Variants in CPS1 observed in about 807,000 individuals in gnomAD.
CPS1 encodes the protein carbamoyl-phosphate synthase 1, also known as carbamoyl-phosphate synthase [ammonia], mitochondrial.
Under a neutral mutation model 174.6 loss-of-function variants are expected in CPS1, and 109 were observed. The ratio of observed to expected loss-of-function variants is 0.62; its 90% CI spans 0.53 to 0.73. The LOEUF (loss-of-function observed/expected upper bound fraction) is 0.73. CPS1 is among the 30% of genes least tolerant of loss of function. The probability of loss-of-function intolerance (pLI) is 0.00; values close to 1 mark genes in which losing one functional copy is unlikely to be tolerated. For missense variants in CPS1, 1,689 were observed against 1,821.9 expected (o/e 0.93, Z 1.33); for synonymous variants, 637 against 632.0 (o/e 1.01, Z -0.12).
intron 1 of CPS1, among the ~76,000 whole-genome samples, chr2:210,488,481 C>A (rs774017685): frequency 4.6e-5 from 7 of 152,190 alleles, no homozygotes; most frequent in Non-Finnish European, 7.3e-5. Context: ...GACCACATTT[C>A]TTTTCCAGGT....
intron 1 of CPS1, among the ~76,000 whole-genome samples, chr2:210,546,554 G>A (rs1284642265): frequency 3.9e-5 from 6 of 152,042 alleles, no homozygotes; most frequent in Non-Finnish European, 8.8e-5. Context: ...GGCTTTGAAG[G>A]ATTGATAGGA....
intron 34 of CPS1, among the ~76,000 whole-genome samples, chr2:210,670,780 C>T (rs780650003): frequency 6.6e-6 from 1 of 152,118 alleles, no homozygotes; most frequent in Non-Finnish European, 1.5e-5. Context: ...CACCCTACTC[C>T]TTTACACATA....
At chr2:210,527,734 G>C (rs904405106) in intron 1 of CPS1, among the ~76,000 whole-genome samples, 1 of 151,754 alleles carries the variant, frequency 6.6e-6, no homozygotes, top group African/African-American at 2.4e-5. Context: ...TACCCATGAA[G>C]TATCGTGGTA....
At chr2:210,529,834 C>G (rs552164624) in intron 1 of CPS1, among the ~76,000 whole-genome samples, 1 of 152,048 alleles carries the variant, frequency 6.6e-6, no homozygotes, top group Non-Finnish European at 1.5e-5. Flanking sequence ...TTTTATTGCC[C>G]ATTCATTGCT....
intron 1 of CPS1, among the ~76,000 whole-genome samples, chr2:210,487,039 A>G (rs1694750201): frequency 6.6e-6 from 1 of 150,722 alleles, no homozygotes. Context: ...CTGTAAATGA[A>G]TTGTGCTGTC....
rs544394549 is a variant in CPS1, at chr2:210,520,374, G to A, written c.4-36345G>A. Among the ~76,000 whole-genome samples the A allele has an allele frequency of 2.0e-5, 3 of 152,036 alleles. No individual in the cohort carries two copies. The East Asian group carries it at 5.8e-4, about 30-fold the overall frequency. On this transcript the variant is annotated intron_variant, in intron 1 of 38. Transcript: ENST00000430249. ...AGGTTTGTTACATAGGTATATATGT[G>A]CCATGGTGGTTTGCTGCACCTATCA...
At chr2:210,554,107 A>G (rs1387769567), upstream of CPS1, among the ~76,000 whole-genome samples, 3 of 139,328 alleles carry the variant, frequency 2.2e-5, no homozygotes, top group Admixed American at 1.4e-4. Context: ...GTATATACAC[A>G]TATATATATG....
chr2:210,510,589 G>T (rs1695436977), intron 1 of CPS1, among the ~76,000 whole-genome samples: 1 of 152,128 alleles, frequency 6.6e-6, no homozygotes, highest in African/African-American at 2.4e-5. Context: ...TCATCAGAGT[G>T]AATAGGCAAC....
At chr2:210,581,969 A>G (rs181280947) in intron 5 of CPS1, among the ~76,000 whole-genome samples, 139 of 152,320 alleles carry the variant, frequency 9.1e-4, no homozygotes, top group South Asian at 3.3e-3. Context: ...CAAATAAGTA[A>G]ATCTCAAGAT....
chr2:210,589,115 G>T (rs575840654), intron 7 of CPS1, among the ~76,000 whole-genome samples: 7 of 152,142 alleles, frequency 4.6e-5, no homozygotes, highest in African/African-American at 1.7e-4. Flanking sequence ...TTGTCCCATG[G>T]ATAGGCAGTC....
At chr2:210,618,755 A>G (rs946309002) in intron 21 of CPS1, 1 of 151,996 alleles carries the variant, frequency 6.6e-6, no homozygotes, top group African/African-American at 2.4e-5. Context: ...TATACTCACC[A>G]TTAGTCTGGG....
chr2:210,634,043 C>T (rs1699951662), intron 21 of CPS1, among the ~76,000 whole-genome samples: 1 of 152,180 alleles, frequency 6.6e-6, no homozygotes. Context: ...TGAGTGCATA[C>T]TTGCACATAA....
chr2:210,533,550 G>T lies in CPS1; in HGVS notation c.4-23169G>T, dbSNP rs145275962. Among the ~76,000 whole-genome samples the T allele has an allele frequency of 2.4e-3, 359 of 152,206 alleles. 2 individuals carry two copies. Among genetic ancestry groups the T allele is most frequent in the African/African-American group, 8.2e-3 (342 of 41,550 alleles). Reference sequence around the variant, plus strand: ...ATATGAACCAGGAAGTCAGGCTCTCGAGTCTGTGTTCTCCGGTACAAGCTT... The same window carrying T: ...ATATGAACCAGGAAGTCAGGCTCTCTAGTCTGTGTTCTCCGGTACAAGCTT... On this transcript the variant is annotated intron_variant, in intron 1 of 38. Coordinates refer to the CPS1 transcript ENST00000430249.
intron 1 of CPS1, among the ~76,000 whole-genome samples, chr2:210,517,739 A>C: frequency 6.6e-6 from 1 of 151,864 alleles, no homozygotes; most frequent in Admixed American, 6.6e-5. Context: ...GTAGCTTTTG[A>C]ATTTTTTTCC....
intron 12 of CPS1, 62 bp from the exon 13 acceptor site, chr2:210,595,425 G>T: frequency 8.5e-7 from 1 of 1,181,184 alleles, no homozygotes; most frequent in East Asian, 2.3e-5. Flanking sequence ...CTCCAATCTT[G>T]AAAATGCCTT....
intron 1 of CPS1, among the ~76,000 whole-genome samples, chr2:210,484,461 T>C (rs1289588041): frequency 2.0e-5 from 3 of 152,198 alleles, no homozygotes; most frequent in Admixed American, 1.3e-4. Flanking sequence ...AATTGTCCCA[T>C]AGAACTGATG....
upstream of CPS1, among the ~76,000 whole-genome samples, chr2:210,553,488 A>T (rs1477911622): frequency 6.6e-6 from 1 of 152,014 alleles, no homozygotes; most frequent in African/African-American, 2.4e-5. Context: ...AAATCTAAAA[A>T]AAAAAATTCA....
At chr2:210,525,463 A>C (rs1051889046) in intron 1 of CPS1, among the ~76,000 whole-genome samples, 4 of 151,842 alleles carry the variant, frequency 2.6e-5, no homozygotes, top group Non-Finnish European at 2.9e-5. Context: ...TTTAGCACGC[A>C]TTTATTAAAT....
intron 1 of CPS1, among the ~76,000 whole-genome samples, chr2:210,548,213 A>G (rs1342537503): frequency 6.6e-6 from 1 of 152,008 alleles, no homozygotes; most frequent in Non-Finnish European, 1.5e-5. Flanking sequence ...CATTTGTCTT[A>G]CATTTTATGT....
Sources: allele counts gnomAD v4.1 joint callset (sites outside exome capture counted in the v4.1 genomes callset), GRCh38; gene constraint gnomAD v4.1.1; transcripts MANE v1.5; gene names NCBI Gene and HGNC (gene_info 2026-07-23, HGNC 2026-07-21).